CCNG1: variants seen among roughly 807,000 people sequenced by gnomAD.
The protein encoded by CCNG1 is cyclin G1.
In CCNG1, 13 loss-of-function variants were observed where a neutral mutation model predicts 30.0. The observed-to-expected ratio is 0.43, with a 90% CI of 0.28 to 0.69. CCNG1 has a LOEUF of 0.69. Ranked by LOEUF, CCNG1 falls within the 30% of genes least tolerant of loss-of-function variation. The pLI is 0.16. For missense variants in CCNG1, 285 were observed against 331.4 expected (o/e 0.86, Z 1.09); for synonymous variants, 110 against 121.5 (o/e 0.91, Z 0.62).
rs1455268834 is a variant in CCNG1, at chr5:163,444,060, A to G, written c.*390A>G. ...TATCAGTCTTCCCACAGCTTCAATC[A>G]CTGTCATTATTCTAATCCTACTCCT... On this transcript the variant is annotated 3_prime_UTR_variant, in exon 7 of 7. Coordinates refer to ENST00000340828, the MANE Select transcript of CCNG1 (RefSeq NM_004060.4). The G allele has an allele frequency of 4.9e-6, 1 of 203,192 alleles. No individual in the cohort carries two copies. The highest frequency in any genetic ancestry group is 1.2e-4 in the East Asian group (1 of 8,300). 12.6% of individuals were successfully genotyped at this position (203,192 alleles called of 1,614,324 possible).
In CCNG1 at chr5:163,440,788, GTTTACT is replaced by G. The variant is rs527998372; in HGVS notation, c.265-288_265-283del. 9.2e-5 allele frequency among the ~76,000 whole-genome samples: 14 copies of G among 152,214 alleles called. No homozygotes were observed. The South Asian group carries it at 2.9e-3, about 32-fold the overall frequency. ...ACTTATTTGATCAAACTAGAACAAT[GTTTACT>G]TATAGTTCTACAGTGATTAATAAAA... On this transcript the variant is annotated intron_variant, in intron 2 of 6. Transcript: ENST00000340828.
At chr5:163,451,273 G>A in the CCNG1 span, 1 of 152,158 alleles carries the variant, frequency 6.6e-6, no homozygotes. Flanking sequence ...TGAAATGTAT[G>A]TTGTTACAAT....
At chr5:163,454,914 C>T in the CCNG1 span, among the ~76,000 whole-genome samples, 1 of 152,154 alleles carries the variant, frequency 6.6e-6, no homozygotes, top group African/African-American at 2.4e-5. Flanking sequence ...AACCATAAAT[C>T]AACCAGTACA....
chr5:163,457,038 CTCTTTG>C, the CCNG1 span: 18 of 1,613,292 alleles, frequency 1.1e-5, no homozygotes, highest in East Asian at 4.5e-5. Context: ...TGCTGCATCT[CTCTTTG>C]TCTTTGTAAG....
chr5:163,449,493 T>A (rs1020248232), downstream of CCNG1: 3 of 152,222 alleles, frequency 2.0e-5, no homozygotes, highest in Non-Finnish European at 4.4e-5. Context: ...AGATACCTCA[T>A]GTTCATGGAT....
the CCNG1 span, chr5:163,451,981 A>T: frequency 6.6e-6 from 1 of 152,096 alleles, no homozygotes; most frequent in African/African-American, 2.4e-5. Context: ...TGAACCCAGG[A>T]GGCGGAGGTT....
intron 6 of CCNG1, 26 bp downstream of exon 6, chr5:163,442,594 C>T (rs1301932098): frequency 6.6e-7 from 1 of 1,519,716 alleles, no homozygotes; most frequent in Admixed American, 2.0e-5. Flanking sequence ...TATTATTCTC[C>T]AGATAGAGAA....
At chr5:163,454,575 C>T in the CCNG1 span, among the ~76,000 whole-genome samples, 6 of 152,244 alleles carry the variant, frequency 3.9e-5, no homozygotes, top group South Asian at 2.1e-4. Flanking sequence ...TCCCAACCTC[C>T]GGTGATCCGC....
chr5:163,438,607 G>A (rs1362924810), intron 1 of CCNG1, among the ~76,000 whole-genome samples: 5 of 152,204 alleles, frequency 3.3e-5, no homozygotes, highest in Non-Finnish European at 7.3e-5. Context: ...ATATGTGGCA[G>A]AATACTTAAC....
At chr5:163,439,698 ATTAGAC>A (rs1757711101) in intron 2 of CCNG1, 178 bp downstream of exon 2, 4 of 542,158 alleles carry the variant, frequency 7.4e-6, no homozygotes, top group Admixed American at 7.2e-5. Context: ...TACATCAGGT[ATTAGAC>A]TTAAATTCTG....
downstream of CCNG1, among the ~76,000 whole-genome samples, chr5:163,445,517 G>A (rs900589231): frequency 3.9e-5 from 6 of 151,958 alleles, no homozygotes; most frequent in Non-Finnish European, 7.4e-5. Flanking sequence ...GCAGTGGCGC[G>A]ATCTTGGCTC....
intron 1 of CCNG1, 31 bp from the exon 2 acceptor site, chr5:163,439,226 A>C (rs1485625366): frequency 6.3e-7 from 1 of 1,598,538 alleles, no homozygotes; most frequent in South Asian, 1.1e-5. Context: ...CTACTCTTAC[A>C]CTCCTTGCTG....
In CCNG1 at chr5:163,441,251, T is replaced by C. The variant is rs1349073280; in HGVS notation, c.438T>C (p.Cys146=). 2 of 1,613,858 alleles carry C rather than the reference T, an allele frequency of 1.2e-6. No homozygotes were observed. The highest frequency in any genetic ancestry group is 1.3e-5 in the African/African-American group (1 of 74,918). The change falls in exon 3 of 7, where the codon TGT becomes TGC. Residue 146 remains cysteine (C), a synonymous_variant. Transcript: ENST00000340828. The part of the protein sequence containing the change: ...RMEKIVLEKV[C]WKVKATTAFQ... Reference sequence around the variant, plus strand: ...AAAAGATTGTATTGGAGAAGGTGTGTTGGAAAGTCAAAGCTACTACTGCCT... The same window carrying C: ...AAAAGATTGTATTGGAGAAGGTGTGCTGGAAAGTCAAAGCTACTACTGCCT...
chr5:163,446,553 A>G (rs1758041604), downstream of CCNG1: 1 of 152,200 alleles, frequency 6.6e-6, no homozygotes, highest in Non-Finnish European at 1.5e-5. Context: ...AATCAAAACT[A>G]TATGCTGGCC....
rs1483339425 is a variant in CCNG1, at chr5:163,441,383, G to A, written c.518+52G>A. 2.0e-6 allele frequency: 3 copies of A among 1,509,992 alleles called. No homozygotes were observed. The East Asian group carries it at 6.8e-5, about 34-fold the overall frequency. The allele number at this position is 1,509,992 out of a possible 1,614,324, so 93.5% of individuals were successfully genotyped here. A position where few individuals can be genotyped will look rare whatever the true frequency, so the allele number is the denominator to read the frequency against. The stretch of plus-strand genomic sequence containing the variant: ...GACATTTGGAAATCAGAATGGTATT[G>A]TATGGATATTGCATAAAATCAGTAT... On this transcript the variant is annotated intron_variant, in intron 3 of 6. Transcript: ENST00000340828.
At chr5:163,439,636 CATTA>C (rs1163024424) in intron 2 of CCNG1, 116 bp downstream of exon 2, 2 of 811,798 alleles carry the variant, frequency 2.5e-6, no homozygotes, top group African/African-American at 3.5e-5. Flanking sequence ...GTAGCCAAAA[CATTA>C]ATTTTGTCTA....
intron 3 of CCNG1, chr5:163,441,629 C>G: frequency 4.2e-6 from 2 of 477,770 alleles, no homozygotes; most frequent in Non-Finnish European, 3.7e-6. Flanking sequence ...TTTATTAAAA[C>G]TAAAAGAAAA....
chr5:163,443,781 G>C lies in CCNG1; in HGVS notation c.*111G>C. 1 of 1,219,360 alleles carries C rather than the reference G, an allele frequency of 8.2e-7. No individual in the cohort carries two copies. The highest frequency in any genetic ancestry group is 1.3e-5 in the South Asian group (1 of 74,224). The allele number at this position is 1,219,360 out of a possible 1,614,324, so 75.5% of individuals were successfully genotyped here. On this transcript the variant is annotated 3_prime_UTR_variant, in exon 7 of 7. Transcript: ENST00000340828. ...AAGCTATGAAGCCTCAAAACATCAC[G>C]AGATAAGCATGATGGTCTCAGACTT...
chr5:163,438,561 A>C (rs1449358952), intron 1 of CCNG1, among the ~76,000 whole-genome samples: 1 of 152,228 alleles, frequency 6.6e-6, no homozygotes, highest in African/African-American at 2.4e-5. Context: ...TGTGGAACTA[A>C]GTACAATTAA....
Sources: allele counts gnomAD v4.1 joint callset (sites outside exome capture counted in the v4.1 genomes callset), GRCh38; gene constraint gnomAD v4.1.1; transcripts MANE v1.5; gene names NCBI Gene and HGNC (gene_info 2026-07-23, HGNC 2026-07-21).